The following RIMBP2 variants were observed in gnomAD, a reference collection of about 807,000 sequenced individuals.
RIMBP2 encodes RIMS binding protein 2, also known as RIMS-binding protein 2.
Under a neutral mutation model 118.6 loss-of-function variants are expected in RIMBP2, and 48 were observed. The ratio of observed to expected loss-of-function variants is 0.40; its 90% confidence interval spans 0.32 to 0.51. RIMBP2 has a LOEUF of 0.51. Among genes scored for constraint, RIMBP2 ranks in the 20% least tolerant of loss-of-function variants. RIMBP2 has a pLI of 0.41. For missense variants in RIMBP2, 1,551 were observed against 1,768.3 expected, an observed-to-expected ratio of 0.88 and a Z score of 2.20; for synonymous variants, 762 against 742.9, an observed-to-expected ratio of 1.03 and a Z score of -0.42.
In RIMBP2 at chr12:130,422,861, C is replaced by T. The variant is rs1209187887; in HGVS notation, c.3130-300G>A. On this transcript the variant is annotated intron_variant, in intron 16 of 22. Coordinates refer to ENST00000690449, the MANE Select transcript of RIMBP2 (RefSeq NM_001393629.1). This position sits in a 1 kb window ranked among gnomAD's most constrained non-coding sequence, Gnocchi z 5.2. ...GACAAATGTTTTGGGACCAAAGAGA[C>T]AATGGCTTGAATACATCCCACCCCG... Among the ~76,000 whole-genome samples, 4 of 152,134 alleles carry T rather than the reference C, an allele frequency of 2.6e-5. No homozygotes were observed. Among genetic ancestry groups the T allele is most frequent in the Non-Finnish European group, 4.4e-5 (3 of 68,028 alleles).
At position 130,424,365 on chromosome 12, in the gene RIMBP2, C is replaced by T. The variant is rs2076625716; in HGVS notation, c.2906G>A (p.Ser969Asn). The change falls in exon 16 of 23, where the codon AGC becomes AAC. Residue 969 changes from serine (S) to asparagine (N), a missense_variant. Ser to Asn is a conservative substitution (Grantham distance 46). This residue lies in a region of RIMBP2 where 1,038 missense variants were observed against 1,125.1 expected (regional missense o/e 0.92). Coordinates refer to ENST00000690449, the MANE Select transcript of RIMBP2 (RefSeq NM_001393629.1). The surrounding 1 kb of genome is among the most constrained non-coding windows in gnomAD (Gnocchi z 9.8). The part of the protein sequence containing the change: ...ARRRTLTRQS[S>N]VEEDFGEQVG... ...CTGCTCCCCAAAGTCCTCCTCCACG[C>T]TGCTCTGCCGGGTCAGCGTCCGCCG... 1 of 1,232,690 alleles carries T rather than the reference C, an allele frequency of 8.1e-7. No homozygotes were observed. The highest frequency in any genetic ancestry group is 1.0e-6 in the Non-Finnish European group (1 of 988,184). The allele number at this position is 1,232,690 out of a possible 1,614,324, so 76.4% of individuals were successfully genotyped here.
intron 6 of RIMBP2, chr12:130,470,225 C>G (rs1039762725): frequency 5.2e-5 from 8 of 153,806 alleles, no homozygotes; most frequent in African/African-American, 1.9e-4. Flanking sequence ...CCTCCTTTCT[C>G]TGATCCTACA....
At chr12:130,655,487 A>C (rs1348610089) in intron 1 of RIMBP2, among the ~76,000 whole-genome samples, 2 of 152,180 alleles carry the variant, frequency 1.3e-5, no homozygotes, top group African/African-American at 4.8e-5. Flanking sequence ...TCAGAGAAAC[A>C]CCAGCAGTGG....
intron 2 of RIMBP2, among the ~76,000 whole-genome samples, chr12:130,602,264 A>G (rs2059921209): frequency 6.6e-6 from 1 of 152,258 alleles, no homozygotes; most frequent in Admixed American, 6.5e-5. Context: ...CACATTGTTC[A>G]CATTTTGCTG....
At position 130,476,213 on chromosome 12, in the gene RIMBP2, G is replaced by A. The variant is rs559966941; in HGVS notation, c.102+2699C>T. Reference sequence around the variant, plus strand: ...AGGACAGAGAACTACCCACTGGACCGTAAGCTCATGCATGGGTGACACTAA... The same window carrying A: ...AGGACAGAGAACTACCCACTGGACCATAAGCTCATGCATGGGTGACACTAA... On this transcript the variant is annotated intron_variant, in intron 5 of 22. Transcript: ENST00000690449. 6.6e-5 allele frequency among the ~76,000 whole-genome samples: 10 copies of A among 152,314 alleles called. No individual in the cohort carries two copies. The South Asian group carries it at 1.5e-3, about 22-fold the overall frequency.
intron 17 of RIMBP2, among the ~76,000 whole-genome samples, chr12:130,418,118 AT>A (rs1321532215): frequency 6.6e-6 from 1 of 152,244 alleles, no homozygotes; most frequent in African/African-American, 2.4e-5. Context: ...ACCAGAAAAA[AT>A]AAAACACGCA....
chr12:130,519,316 G>A (rs1381897931), intron 2 of RIMBP2, among the ~76,000 whole-genome samples: 1 of 152,094 alleles, frequency 6.6e-6, no homozygotes, highest in Non-Finnish European at 1.5e-5. Context: ...TTTTTTCTTA[G>A]CCACAGTCAT....
At chr12:130,502,700 G>T (rs577543129) in intron 4 of RIMBP2, among the ~76,000 whole-genome samples, 96 of 152,248 alleles carry the variant, frequency 6.3e-4, no homozygotes, top group African/African-American at 2.2e-3. Context: ...TGTATCACAC[G>T]CATTTGACTT....
At chr12:130,558,510 G>A (rs2056551567) in intron 2 of RIMBP2, among the ~76,000 whole-genome samples, 1 of 152,150 alleles carries the variant, frequency 6.6e-6, no homozygotes, top group African/African-American at 2.4e-5. Flanking sequence ...ACTCAAGTCA[G>A]GCTAAGGGTA....
chr12:130,521,193 A>C (rs1030359604), intron 2 of RIMBP2, among the ~76,000 whole-genome samples: 1 of 152,272 alleles, frequency 6.6e-6, no homozygotes, highest in Non-Finnish European at 1.5e-5. Flanking sequence ...CTGTCCACAC[A>C]GGGAGGTGGA....
intron 1 of RIMBP2, among the ~76,000 whole-genome samples, chr12:130,652,842 G>C (rs891935452): frequency 6.6e-6 from 1 of 152,156 alleles, no homozygotes; most frequent in Non-Finnish European, 1.5e-5. Context: ...AAGAATGGGA[G>C]CAAGAGAGCA....
chr12:130,632,255 AC>A (rs2062037588), intron 1 of RIMBP2, among the ~76,000 whole-genome samples: 1 of 152,106 alleles, frequency 6.6e-6, no homozygotes, highest in East Asian at 1.9e-4. Context: ...TTTAGTGCAA[AC>A]CCCCAAATCC....
intron 2 of RIMBP2, among the ~76,000 whole-genome samples, chr12:130,537,603 C>T (rs4759720): frequency 0.34 from 51,510 of 152,000 alleles, 9,334 homozygotes; most frequent in East Asian, 0.56. Flanking sequence ...CCAGCCTATG[C>T]GAAAGATCCG....
chr12:130,533,092 C>T (rs1421501134), intron 2 of RIMBP2, among the ~76,000 whole-genome samples: 5 of 148,332 alleles, frequency 3.4e-5, no homozygotes, highest in African/African-American at 5.0e-5. Flanking sequence ...CTAGGAGGGA[C>T]ATCTAATGAG....
intron 2 of RIMBP2, among the ~76,000 whole-genome samples, chr12:130,574,266 TG>T (rs150753203): frequency 3.6e-4 from 55 of 152,042 alleles, no homozygotes; most frequent in African/African-American, 1.2e-3. Context: ...GCTGTCCTGT[TG>T]GGGGGGTGGC....
At chr12:130,565,311 A>T (rs1252402388) in intron 2 of RIMBP2, among the ~76,000 whole-genome samples, 2 of 152,124 alleles carry the variant, frequency 1.3e-5, no homozygotes, top group African/African-American at 4.8e-5. Context: ...GCTGGTAGGG[A>T]TGTAAAATGG....
chr12:130,506,669 C>T lies in RIMBP2; in HGVS notation c.-25G>A. On this transcript the variant is annotated 5_prime_UTR_variant, in exon 4 of 23. Transcript: ENST00000690449. ...TTACCTTCAGGACCTGTTCTAGGTT[C>T]TCCAGCTTGGCTTGGAGCTGGTGTT... 1.1e-5 allele frequency: 11 copies of T among 985,762 alleles called. No homozygotes were observed. The highest frequency in any genetic ancestry group is 1.3e-5 in the Non-Finnish European group (11 of 829,950). The allele number at this position is 985,762 out of a possible 1,614,324, so 61.1% of individuals were successfully genotyped here.
chr12:130,658,988 T>TCCTCCACCATGCCAGCCTCCCTC (rs1241748932), intron 1 of RIMBP2, among the ~76,000 whole-genome samples: 6 of 150,880 alleles, frequency 4.0e-5, no homozygotes, highest in African/African-American at 9.8e-5. Context: ...CAACCTCCCT[T>TCCTCCACCATGCCAGCCTCCCTC]CCTCCACCAT....
chr12:130,586,198 T>C (rs1026922585), intron 2 of RIMBP2, among the ~76,000 whole-genome samples: 14 of 152,186 alleles, frequency 9.2e-5, no homozygotes, highest in Admixed American at 8.5e-4. Flanking sequence ...CTCACGCCTA[T>C]AATCCCAGCA....
Sources: gnomAD v4.1 joint callset for allele counts (sites outside exome capture counted in the v4.1 genomes callset) on GRCh38, gnomAD v4.1.1 for gene constraint, gnomAD v4.1.1 regional missense constraint, Gnocchi (gnomAD v3.1) non-coding constraint, MANE v1.5 for transcripts, NCBI Gene and HGNC (gene_info 2026-07-23, HGNC 2026-07-21) for gene names.